POLR3G: variants seen among roughly 807,000 people sequenced by gnomAD.
POLR3G encodes DNA-directed RNA polymerase III subunit RPC7.
A neutral mutation model predicts 30.1 loss-of-function variants in POLR3G; 28 were observed. The observed-to-expected ratio is 0.93, with a 90% CI of 0.69 to 1.27. The LOEUF (loss-of-function observed/expected upper bound fraction) is 1.27. Among genes scored for constraint, POLR3G ranks in the 50% most tolerant of loss-of-function variants. The pLI, the probability that POLR3G is intolerant of heterozygous loss-of-function variation, is 0.00. For missense variants in POLR3G, 254 were observed against 264.6 expected (o/e 0.96, Z 0.28); for synonymous variants, 79 against 82.5 (o/e 0.96, Z 0.23).
chr5:90,499,822 T>A (rs1386752679), intron 5 of POLR3G, among the ~76,000 whole-genome samples: 1 of 98,376 alleles, frequency 1.0e-5, no homozygotes, highest in Non-Finnish European at 2.6e-5. Flanking sequence ...AGATACAGTA[T>A]ATAATCATAT....
At chr5:90,501,270 T>TA (rs1752233735) in intron 5 of POLR3G, among the ~76,000 whole-genome samples, 1 of 152,220 alleles carries the variant, frequency 6.6e-6, no homozygotes, top group Non-Finnish European at 1.5e-5. Flanking sequence ...ATTTTAAAGA[T>TA]ACAGTATATA....
intron 3 of POLR3G, among the ~76,000 whole-genome samples, chr5:90,492,860 CAAA>C (rs59127797): frequency 7.8e-5 from 10 of 128,240 alleles, no homozygotes; most frequent in Admixed American, 8.1e-5. Context: ...GACTCCGCCT[CAAA>C]AAAAAAAAAA....
intron 5 of POLR3G, among the ~76,000 whole-genome samples, chr5:90,498,151 A>G (rs1219946218): frequency 6.6e-6 from 1 of 151,844 alleles, no homozygotes; most frequent in Non-Finnish European, 1.5e-5. Context: ...CTGTCCCCCC[A>G]TGTATGTGTG....
intron 7 of POLR3G, among the ~76,000 whole-genome samples, chr5:90,510,356 T>C (rs995211536): frequency 6.6e-6 from 1 of 151,292 alleles, no homozygotes; most frequent in Non-Finnish European, 1.5e-5. Flanking sequence ...CCAGCCTGGG[T>C]GACAAGAGTG....
chr5:90,492,403 GT>G (rs1751768271), intron 3 of POLR3G, among the ~76,000 whole-genome samples: 1 of 152,146 alleles, frequency 6.6e-6, no homozygotes, highest in Admixed American at 6.5e-5. Flanking sequence ...AATTTGATGT[GT>G]TTTGTAACTG....
chr5:90,494,084 C>T (rs2151908272), intron 3 of POLR3G, among the ~76,000 whole-genome samples: 1 of 152,238 alleles, frequency 6.6e-6, no homozygotes, highest in East Asian at 1.9e-4. Context: ...ATTCCCTACT[C>T]TCCCTCCTTC....
intron 1 of POLR3G, among the ~76,000 whole-genome samples, chr5:90,476,380 A>G (rs1258096394): frequency 6.6e-6 from 1 of 152,224 alleles, no homozygotes; most frequent in Non-Finnish European, 1.5e-5. Flanking sequence ...TCTGTACACA[A>G]TTACTTGCAA....
intron 1 of POLR3G, among the ~76,000 whole-genome samples, chr5:90,475,632 CAT>C (rs542634214): frequency 1.0e-3 from 154 of 152,244 alleles, no homozygotes; most frequent in African/African-American, 3.6e-3. Flanking sequence ...CCGCCAGCCA[CAT>C]AAATCATCCG....
rs1033580471 is a variant in POLR3G, at chr5:90,498,497, C to T, written c.355+791C>T. Among the ~76,000 whole-genome samples, 14 of 152,058 alleles carry T rather than the reference C, an allele frequency of 9.2e-5. 1 individual carries two copies. The highest frequency in any genetic ancestry group is 1.5e-4 in the Non-Finnish European group (10 of 68,020). On this transcript the variant is annotated intron_variant, in intron 5 of 7. Coordinates refer to ENST00000651687, the MANE Select transcript of POLR3G (RefSeq NM_006467.3). ...ATGTCCATGTGTGCTCAGTGTTTAG[C>T]GCCCACTTATAAGTGAGAACATGCA...
Position 90,506,576 on chromosome 5 carries a change from GAGAA to G in POLR3G, c.492_495del (p.Gly166AlafsTer68), listed in dbSNP as rs1404547847. ...TGAAAAATCAGATGAGGAAAATGAA[GAGAA>G]AGAAGGAAGCAAAGAGAAAAGTAAA... On this transcript the variant is annotated frameshift_variant, in exon 7 of 8. Transcript: ENST00000651687. LOFTEE classifies it high-confidence loss of function. 2.5e-6 allele frequency: 4 copies of G among 1,613,410 alleles called. No individual in the cohort carries two copies. The South Asian group carries it at 4.4e-5, about 18-fold the overall frequency.
At chr5:90,489,262 T>A (rs1280889229) in intron 3 of POLR3G, among the ~76,000 whole-genome samples, 1 of 151,160 alleles carries the variant, frequency 6.6e-6, no homozygotes, top group African/African-American at 2.4e-5. Context: ...TACTTAATTT[T>A]TTTTTTTTTT....
At position 90,506,472 on chromosome 5, in the gene POLR3G, G is replaced by T. The variant is rs957595703; in HGVS notation, c.439-56G>T. ...ATAACTGTTCCCTTAAGGCTAAGCA[G>T]GGAAGTCAGCAGTCTAGTGGTTTCC... is the stretch of plus-strand genomic sequence containing the variant. On this transcript the variant is annotated intron_variant, in intron 6 of 7. Transcript: ENST00000651687. The T allele has an allele frequency of 1.4e-5, 22 of 1,566,062 alleles. No homozygotes were observed. The East Asian group carries it at 5.0e-4, about 35-fold the overall frequency.
In POLR3G at chr5:90,512,956, G is replaced by A. The variant is rs1413727602; in HGVS notation, c.*817G>A. 1 of 152,078 alleles carries A rather than the reference G, an allele frequency of 6.6e-6. No individual in the cohort carries two copies. Among genetic ancestry groups the A allele is most frequent in the African/African-American group, 2.4e-5 (1 of 41,430 alleles). The allele number at this position is 152,078 out of a possible 1,614,324, so 9.4% of individuals were successfully genotyped here. On this transcript the variant is annotated 3_prime_UTR_variant, in exon 8 of 8. Coordinates refer to ENST00000651687, the MANE Select transcript of POLR3G (RefSeq NM_006467.3). The stretch of plus-strand genomic sequence containing the variant: ...TCATATAAATATGTAGAATGCATGT[G>A]TGTGAACTCTATGAAGTGAAGTGTG...
At chr5:90,511,990 T>G (rs1752759037) in intron 7 of POLR3G, 63 bp from the exon 8 acceptor site, 5 of 1,118,214 alleles carry the variant, frequency 4.5e-6, no homozygotes, top group Non-Finnish European at 6.8e-6. Context: ...CTTTTAGGCC[T>G]GGAATATTTT....
intron 1 of POLR3G, among the ~76,000 whole-genome samples, chr5:90,478,357 C>T (rs1305851942): frequency 6.6e-6 from 1 of 152,024 alleles, no homozygotes; most frequent in African/African-American, 2.4e-5. Flanking sequence ...TATTAATTCA[C>T]TTCATTGAAT....
upstream of POLR3G, chr5:90,474,594 T>C: frequency 2.4e-6 from 1 of 420,342 alleles, no homozygotes; most frequent in Non-Finnish European, 4.3e-6. Context: ...GAGAGAGCTT[T>C]AACGCAGGGG....
In POLR3G at chr5:90,512,229, G is replaced by T. The variant is rs2151917491; in HGVS notation, c.*90G>T. On this transcript the variant is annotated 3_prime_UTR_variant, in exon 8 of 8. Coordinates refer to ENST00000651687, the MANE Select transcript of POLR3G (RefSeq NM_006467.3). ...GTATTTTATTTCTGATAAGGAATAA[G>T]TACTTGTTTCTGTTGTTTTGGACAA... 3 of 842,226 alleles carry T rather than the reference G, an allele frequency of 3.6e-6. No individual in the cohort carries two copies. The highest frequency in any genetic ancestry group is 5.8e-6 in the Non-Finnish European group (3 of 513,172). The allele number at this position is 842,226 out of a possible 1,614,324, so 52.2% of individuals were successfully genotyped here. A position where few individuals can be genotyped will look rare whatever the true frequency, so the allele number is the denominator to read the frequency against.
chr5:90,480,112 A>C (rs942987142), intron 1 of POLR3G, among the ~76,000 whole-genome samples: 12 of 152,226 alleles, frequency 7.9e-5, no homozygotes, highest in African/African-American at 2.9e-4. Flanking sequence ...GGTTGAATGA[A>C]TGACTCAATG....
chr5:90,504,425 G>C (rs1752393811), intron 6 of POLR3G, among the ~76,000 whole-genome samples: 1 of 152,034 alleles, frequency 6.6e-6, no homozygotes, highest in Admixed American at 6.5e-5. Flanking sequence ...AGCTGGGCGT[G>C]GTAGCAGGCG....
Sources: gnomAD v4.1 joint callset for allele counts (sites outside exome capture counted in the v4.1 genomes callset) on GRCh38, gnomAD v4.1.1 for gene constraint, MANE v1.5 for transcripts, NCBI Gene and HGNC (gene_info 2026-07-23, HGNC 2026-07-21) for gene names.